The following RABGAP1L variants were observed in gnomAD, a reference collection of about 807,000 sequenced individuals.
RABGAP1L encodes the protein RAB GTPase activating protein 1 like.
RABGAP1L carries 63 observed loss-of-function variants against 137.7 expected under a neutral mutation model. That is an observed-to-expected ratio of 0.46 (90% CI 0.37 to 0.56). The LOEUF (loss-of-function observed/expected upper bound fraction) is 0.56, where lower values mean the gene tolerates loss of function less well. RABGAP1L is among the 20% of genes least tolerant of loss of function. The pLI, the probability that RABGAP1L is intolerant of heterozygous loss-of-function variation, is 0.00. For synonymous variants in RABGAP1L, 431 were observed against 433.7 expected, an observed-to-expected ratio of 0.99 and a Z score of 0.08; for missense variants, 1,095 against 1,244.0, an observed-to-expected ratio of 0.88 and a Z score of 1.80.
chr1:174,921,591 A>T (rs1197385007), intron 19 of RABGAP1L, among the ~76,000 whole-genome samples: 3 of 152,230 alleles, frequency 2.0e-5, no homozygotes, highest in Admixed American at 6.5e-5. Context: ...TTTTCTGCAA[A>T]GATCAAGATT....
chr1:174,540,084 A>G (rs536705940), intron 13 of RABGAP1L, among the ~76,000 whole-genome samples: 1 of 152,320 alleles, frequency 6.6e-6, no homozygotes, highest in East Asian at 1.9e-4. Context: ...GGCTGCATAA[A>G]TGTCTTCTTT....
intron 13 of RABGAP1L, among the ~76,000 whole-genome samples, chr1:174,510,721 A>G (rs530056004): frequency 6.6e-6 from 1 of 152,302 alleles, no homozygotes; most frequent in East Asian, 1.9e-4. Flanking sequence ...CAACCCAAAC[A>G]TGTACTGAAG....
chr1:174,657,364 T>C lies in RABGAP1L; in HGVS notation c.1824+19876T>C, dbSNP rs540562398. Among the ~76,000 whole-genome samples, 10 of 152,276 alleles carry C rather than the reference T, an allele frequency of 6.6e-5. No individual in the cohort carries two copies. In the South Asian group the frequency reaches 2.1e-3, roughly 32 times the overall value. On this transcript the variant is annotated intron_variant, in intron 14 of 25. Transcript: ENST00000681986. ...TTATTTCTCCCATTTAGCTGTAATT[T>C]TGTACACTTTAACAAATCTTTCTCT...
intron 11 of RABGAP1L, among the ~76,000 whole-genome samples, chr1:174,310,638 C>T (rs1266494625): frequency 6.6e-6 from 1 of 152,090 alleles, no homozygotes; most frequent in Non-Finnish European, 1.5e-5. Context: ...CATATATTTA[C>T]AATTGTTATA....
chr1:174,533,973 A>G (rs901022720), intron 13 of RABGAP1L, among the ~76,000 whole-genome samples: 2 of 152,058 alleles, frequency 1.3e-5, no homozygotes, highest in Admixed American at 1.3e-4. Flanking sequence ...CGCCCAGCCC[A>G]CAAAATATGT....
At position 174,571,997 on chromosome 1, in the gene RABGAP1L, C is replaced by T. The variant is rs144031411; in HGVS notation, c.1711-65378C>T. On this transcript the variant is annotated intron_variant, in intron 13 of 25. Coordinates refer to ENST00000681986, the MANE Select transcript of RABGAP1L (RefSeq NM_001366446.1). ...AAATATAAGAAATTTTGATATTGTA[C>T]TCTTGGCAAAGTTTTGCTCTGCTTC... Among the ~76,000 whole-genome samples, 211 of 152,232 alleles carry T rather than the reference C, an allele frequency of 1.4e-3. 2 individuals are homozygous for T. Among genetic ancestry groups the T allele is most frequent in the Non-Finnish European group, 2.4e-3 (161 of 68,026 alleles).
intron 13 of RABGAP1L, among the ~76,000 whole-genome samples, chr1:174,615,088 A>T (rs1002680983): frequency 2.6e-5 from 4 of 152,178 alleles, no homozygotes; most frequent in African/African-American, 9.7e-5. Context: ...CGTCAAAGTC[A>T]TTCTCCATCC....
intron 24 of RABGAP1L, among the ~76,000 whole-genome samples, chr1:174,983,944 C>G (rs1420709495): frequency 6.6e-6 from 1 of 151,246 alleles, no homozygotes; most frequent in Non-Finnish European, 1.5e-5. Flanking sequence ...TTCTAGTTAG[C>G]ACTTACCACT....
chr1:174,755,195 G>A (rs1684643672), intron 18 of RABGAP1L, among the ~76,000 whole-genome samples: 1 of 152,078 alleles, frequency 6.6e-6, no homozygotes, highest in South Asian at 2.1e-4. Flanking sequence ...CTTTCTGAAC[G>A]GGACCAACTT....
chr1:174,643,974 T>G (rs1437368501), intron 14 of RABGAP1L, among the ~76,000 whole-genome samples: 1 of 151,758 alleles, frequency 6.6e-6, no homozygotes, highest in Non-Finnish European at 1.5e-5. Context: ...TGTTTGGGGT[T>G]AATTTCATAC....
At chr1:174,361,483 T>G (rs1415908376) in intron 11 of RABGAP1L, among the ~76,000 whole-genome samples, 2 of 152,182 alleles carry the variant, frequency 1.3e-5, no homozygotes, top group Admixed American at 6.5e-5. Context: ...GTTTTTATTA[T>G]AGAGATCTTT....
At chr1:174,311,710 G>A (rs1343990690) in intron 11 of RABGAP1L, among the ~76,000 whole-genome samples, 1 of 152,146 alleles carries the variant, frequency 6.6e-6, no homozygotes, top group Non-Finnish European at 1.5e-5. Context: ...GGGTTCAAGC[G>A]ATTCTCTTGC....
chr1:174,182,889 A>C (rs900342667), intron 1 of RABGAP1L, among the ~76,000 whole-genome samples: 7 of 152,110 alleles, frequency 4.6e-5, no homozygotes, highest in Non-Finnish European at 1.0e-4. Context: ...TTCTTAAGAC[A>C]TTTTTTTCCC....
At chr1:174,767,889 G>A (rs1178601892) in intron 18 of RABGAP1L, among the ~76,000 whole-genome samples, 5 of 152,122 alleles carry the variant, frequency 3.3e-5, no homozygotes, top group Admixed American at 6.5e-5. Flanking sequence ...CATCTCACGC[G>A]GCTGTGGCAA....
chr1:174,291,743 A>T (rs1676627329), intron 10 of RABGAP1L, among the ~76,000 whole-genome samples: 2 of 151,772 alleles, frequency 1.3e-5, no homozygotes, highest in Admixed American at 6.6e-5. Context: ...CAAAATATTG[A>T]CCTATTTTTT....
At chr1:174,299,165 T>A (rs1181648180) in intron 10 of RABGAP1L, among the ~76,000 whole-genome samples, 2 of 152,248 alleles carry the variant, frequency 1.3e-5, no homozygotes, top group Non-Finnish European at 2.9e-5. Context: ...ATAGGCCTTT[T>A]GGATTGGTTT....
At chr1:174,739,657 A>C (rs1374050586) in intron 17 of RABGAP1L, among the ~76,000 whole-genome samples, 1 of 152,238 alleles carries the variant, frequency 6.6e-6, no homozygotes, top group Non-Finnish European at 1.5e-5. Flanking sequence ...CATGGTTGAG[A>C]GCCAATGGTC....
intron 13 of RABGAP1L, among the ~76,000 whole-genome samples, chr1:174,611,285 T>A (rs1048505176): frequency 6.6e-6 from 1 of 150,982 alleles, no homozygotes; most frequent in African/African-American, 2.4e-5. Flanking sequence ...GCTAGCCAGT[T>A]TTCCCAGCAC....
intron 14 of RABGAP1L, among the ~76,000 whole-genome samples, chr1:174,659,837 A>G (rs1156487404): frequency 6.6e-6 from 1 of 152,164 alleles, no homozygotes; most frequent in East Asian, 1.9e-4. Context: ...CTCAGCTAAC[A>G]GTAACTCCAT....
Sources: allele counts gnomAD v4.1 joint callset (sites outside exome capture counted in the v4.1 genomes callset), GRCh38; gene constraint gnomAD v4.1.1; transcripts MANE v1.5; gene names NCBI Gene and HGNC (gene_info 2026-07-23, HGNC 2026-07-21).